Variants in CHD9 observed in about 807,000 individuals in gnomAD.
CHD9 encodes the protein chromodomain helicase DNA binding protein 9, also known as ATP-dependent chromatin remodeler CHD9.
CHD9 carries 77 observed loss-of-function variants against 316.1 expected under a neutral mutation model. The observed-to-expected ratio is 0.24, with a 90% CI of 0.20 to 0.29. The LOEUF (loss-of-function observed/expected upper bound fraction) is 0.29. Among genes scored for constraint, CHD9 ranks in the 10% least tolerant of loss-of-function variants. The pLI is 1.00. For missense variants in CHD9, 2,763 were observed against 3,438.1 expected (o/e 0.80, Z 4.91); for synonymous variants, 1,129 against 1,158.3 (o/e 0.97, Z 0.51).
rs114539839 is a variant in CHD9, at chr16:53,110,150, C to T, written c.-164-45776C>T. Among the ~76,000 whole-genome samples, 686 of 152,256 alleles carry T rather than the reference C, an allele frequency of 4.5e-3. 9 individuals are homozygous for T. The highest frequency in any genetic ancestry group is 0.016 in the African/African-American group (650 of 41,564). ...TAGCTTGTGCCCATTACTGTCTGGT[C>T]CCGGTAGGCATTTGAGTTTGTGACC... On this transcript the variant is annotated intron_variant, in intron 1 of 38. Coordinates refer to ENST00000447540, the MANE Select transcript of CHD9 (RefSeq NM_001308319.2).
At chr16:53,188,602 CTTTTTTTTTTTT>C (rs369979479) in intron 2 of CHD9, among the ~76,000 whole-genome samples, 4 of 71,234 alleles carry the variant, frequency 5.6e-5, no homozygotes, top group East Asian at 3.9e-4. Context: ...TGGTCATTAC[CTTTTTTTTTTTT>C]TTTTTTTTTT....
chr16:53,217,831 C>G (rs1011026161), intron 3 of CHD9, among the ~76,000 whole-genome samples: 4 of 151,918 alleles, frequency 2.6e-5, no homozygotes, highest in Non-Finnish European at 4.4e-5. Context: ...GCCTCGAACT[C>G]CTAGGCTCAA....
At position 53,209,660 on chromosome 16, in the gene CHD9, A is replaced by C. The variant is rs1229156568; in HGVS notation, c.1631A>C (p.Asn544Thr). Reference sequence around the variant, plus strand: ...AAAGCAAAGGAGCGTGGGGAACGCAATATTCCACGAGTAATGAGCCCTGAA... The same window carrying C: ...AAAGCAAAGGAGCGTGGGGAACGCACTATTCCACGAGTAATGAGCCCTGAA... ...IAKAKERGER[N>T]IPRVMSPENF... Residue 544 changes from asparagine (N) to threonine (T), a missense_variant, in exon 3 of 39, where the codon AAT (asparagine) becomes ACT (threonine). Asn to Thr is a moderately conservative substitution (Grantham distance 65). This residue lies in a region of CHD9 where 859 missense variants were observed against 890.4 expected (regional missense o/e 0.96). Coordinates refer to ENST00000447540, the MANE Select transcript of CHD9 (RefSeq NM_001308319.2). The C allele has an allele frequency of 4.3e-6, 7 of 1,613,960 alleles. No homozygotes were observed. Among genetic ancestry groups the C allele is most frequent in the Non-Finnish European group, 5.9e-6 (7 of 1,179,840 alleles).
chr16:53,222,501 G>A (rs750497142), intron 3 of CHD9, 143 bp from the exon 4 acceptor site: 1 of 576,582 alleles, frequency 1.7e-6, no homozygotes, highest in Non-Finnish European at 3.2e-6. Context: ...AAATGTCAAC[G>A]TGGATTTCAG....
intron 3 of CHD9, among the ~76,000 whole-genome samples, chr16:53,219,007 G>T (rs915284101): frequency 6.6e-6 from 1 of 152,048 alleles, no homozygotes; most frequent in African/African-American, 2.4e-5. Flanking sequence ...GCAAAGTAAC[G>T]GATACCCTTA....
rs2052518812 is a variant in CHD9, at chr16:53,273,738, C to T, written c.4830C>T (p.Leu1610=). Residue 1610 remains leucine (L), a synonymous_variant, in exon 23 of 39, where the codon CTC becomes CTT. Transcript: ENST00000447540. ...EWLRKYNPEQ[L]LQDEGYKKHI... ...TTCGAAAATATAATCCCGAGCAGCT[C>T]CTTCAAGATGAAGGCTACAAAAAAC... 1 of 1,613,314 alleles carries T rather than the reference C, an allele frequency of 6.2e-7. No individual in the cohort carries two copies. Among genetic ancestry groups the T allele is most frequent in the South Asian group, 1.1e-5 (1 of 91,058 alleles).
chr16:53,228,929 T>C, intron 7 of CHD9, 54 bp from the exon 8 acceptor site: 3 of 821,474 alleles, frequency 3.7e-6, no homozygotes, highest in Non-Finnish European at 5.7e-6. Flanking sequence ...TTAAAATACA[T>C]CTTAAAATGG....
chr16:53,243,722 T>A (rs2049307562), intron 13 of CHD9, among the ~76,000 whole-genome samples: 1 of 152,260 alleles, frequency 6.6e-6, no homozygotes, highest in African/African-American at 2.4e-5. Context: ...TCCTACACAC[T>A]TCTACATGTT....
chr16:53,158,235 A>G (rs943724159), intron 2 of CHD9, among the ~76,000 whole-genome samples: 1 of 152,236 alleles, frequency 6.6e-6, no homozygotes, highest in Non-Finnish European at 1.5e-5. Flanking sequence ...TAACCCAGAC[A>G]TAGCAGAAGT....
chr16:53,234,442 A>C (rs561734594), intron 10 of CHD9, among the ~76,000 whole-genome samples: 2 of 152,292 alleles, frequency 1.3e-5, no homozygotes, highest in Admixed American at 6.5e-5. Context: ...TTTCACCTTT[A>C]AATGTTATGC....
At chr16:53,070,521 CT>C (rs1249093377) in intron 1 of CHD9, among the ~76,000 whole-genome samples, 2 of 21,206 alleles carry the variant, frequency 9.4e-5, no homozygotes, top group African/African-American at 4.3e-4. Flanking sequence ...TCCTTCCTTC[CT>C]TCCTTCCTTC....
intron 1 of CHD9, among the ~76,000 whole-genome samples, chr16:53,081,805 G>A (rs1457592146): frequency 2.0e-5 from 3 of 151,720 alleles, no homozygotes; most frequent in Non-Finnish European, 4.4e-5. Flanking sequence ...TGTTGCCCAG[G>A]CTGGTAAGTG....
chr16:53,313,437 C>T (rs751729955), intron 34 of CHD9, among the ~76,000 whole-genome samples: 1 of 151,980 alleles, frequency 6.6e-6, no homozygotes, highest in Non-Finnish European at 1.5e-5. Flanking sequence ...TCCCAAGTAG[C>T]TCGTATTACA....
chr16:53,132,075 CTTATTT>C (rs1418187598), intron 1 of CHD9, among the ~76,000 whole-genome samples: 9 of 150,886 alleles, frequency 6.0e-5, no homozygotes, highest in Non-Finnish European at 1.0e-4. Context: ...TCTGTTTGTT[CTTATTT>C]TTATTTTTAA....
At chr16:53,153,531 T>C (rs1243703242) in intron 1 of CHD9, among the ~76,000 whole-genome samples, 1 of 152,118 alleles carries the variant, frequency 6.6e-6, no homozygotes, top group Non-Finnish European at 1.5e-5. Context: ...CCTTGGTTTT[T>C]TCTTCGTTTG....
chr16:53,138,763 G>T (rs1471500276), intron 1 of CHD9, among the ~76,000 whole-genome samples: 2 of 152,194 alleles, frequency 1.3e-5, no homozygotes, highest in Admixed American at 1.3e-4. Flanking sequence ...ACCTTTGAAA[G>T]TACACATTTA....
chr16:53,261,665 A>G (rs1271017462), intron 19 of CHD9, among the ~76,000 whole-genome samples: 1 of 152,130 alleles, frequency 6.6e-6, no homozygotes, highest in Non-Finnish European at 1.5e-5. Flanking sequence ...GACGTGAGCC[A>G]CCATGCCTGC....
At chr16:53,158,614 G>A (rs1249765952) in intron 2 of CHD9, among the ~76,000 whole-genome samples, 4 of 152,020 alleles carry the variant, frequency 2.6e-5, no homozygotes, top group African/African-American at 9.7e-5. Flanking sequence ...CATATAGTTA[G>A]AAATTAATAC....
intron 1 of CHD9, among the ~76,000 whole-genome samples, chr16:53,129,564 G>GTA (rs1201134366): frequency 1.3e-5 from 2 of 152,228 alleles, no homozygotes; most frequent in Admixed American, 1.3e-4. Context: ...ATACCACTGT[G>GTA]TATACCGCAG....
Sources: allele counts gnomAD v4.1 joint callset (sites outside exome capture counted in the v4.1 genomes callset), GRCh38; gene constraint gnomAD v4.1.1; regional missense constraint gnomAD v4.1.1; transcripts MANE v1.5; gene names NCBI Gene and HGNC (gene_info 2026-07-23, HGNC 2026-07-21).